The following DNAL1 variants were observed in gnomAD, a reference collection of about 807,000 sequenced individuals.
The protein encoded by DNAL1 is chromosome 14 open reading frame 168.
Under a neutral mutation model 29.4 loss-of-function variants are expected in DNAL1, and 17 were observed. The ratio of observed to expected loss-of-function variants is 0.58; its 90% CI spans 0.40 to 0.87. The LOEUF (loss-of-function observed/expected upper bound fraction) is 0.87, where lower values mean the gene tolerates loss of function less well. Among genes scored for constraint, DNAL1 ranks in the 40% least tolerant of loss-of-function variants. The probability of loss-of-function intolerance (pLI) is 0.00; values close to 1 mark genes in which losing one functional copy is unlikely to be tolerated. For synonymous variants in DNAL1, 78 were observed against 76.3 expected (o/e 1.02, Z -0.12); for missense variants, 188 against 214.1 (o/e 0.88, Z 0.76).
chr14:73,695,860 T>C (rs750604937), intron 7 of DNAL1, 42 bp from the exon 8 acceptor site: 11 of 1,511,960 alleles, frequency 7.3e-6, no homozygotes, highest in Non-Finnish European at 6.3e-6. Context: ...ATTTTAGCAA[T>C]TTTTTGAGAA....
chr14:73,666,815 C>T (rs560429198), intron 4 of DNAL1, among the ~76,000 whole-genome samples: 3 of 152,248 alleles, frequency 2.0e-5, no homozygotes, highest in Non-Finnish European at 4.4e-5. Flanking sequence ...GATTTCTCTT[C>T]CCTCTTTAAA....
chr14:73,659,016 A>C, intron 3 of DNAL1, 60 bp downstream of exon 3: 1 of 1,186,634 alleles, frequency 8.4e-7, no homozygotes, highest in South Asian at 2.2e-5. Flanking sequence ...TTTCTTAAAC[A>C]CACAAAGTAG....
At chr14:73,654,779 T>G (rs1891174099) in intron 1 of DNAL1, 68 bp from the exon 2 acceptor site, 1 of 1,382,522 alleles carries the variant, frequency 7.2e-7, no homozygotes, top group Non-Finnish European at 9.6e-7. Context: ...CATACATACA[T>G]ACATACATAC....
At chr14:73,652,437 C>A (rs1272222347) in intron 1 of DNAL1, among the ~76,000 whole-genome samples, 1 of 151,906 alleles carries the variant, frequency 6.6e-6, no homozygotes, top group South Asian at 2.1e-4. Flanking sequence ...CCACCACGGT[C>A]TAATTTTTTT....
At chr14:73,672,667 G>A (rs1437427751) in intron 5 of DNAL1, among the ~76,000 whole-genome samples, 2 of 149,816 alleles carry the variant, frequency 1.3e-5, no homozygotes, top group Non-Finnish European at 3.0e-5. Flanking sequence ...AATAAAGGAA[G>A]TTTCCTAACC....
chr14:73,658,871 T>A lies in DNAL1; in HGVS notation c.67T>A (p.Ser23Thr). 6.2e-7 allele frequency: 1 copy of A among 1,604,356 alleles called. No homozygotes were observed. The highest frequency in any genetic ancestry group is 8.5e-7 in the Non-Finnish European group (1 of 1,175,000). The change falls in exon 3 of 8, where the codon TCT becomes ACT. Residue 23 changes from serine to threonine, a missense_variant. Transcript: ENST00000553645. ...RWEEKTGQRP[S>T]EAKEIKLYAQ... ...GGAAGAGAAAACTGGCCAGAGGCCA[T>A]CTGAAGCCAAAGAGATAAAACTTTA... is the stretch of plus-strand genomic sequence containing the variant.
At position 73,677,884 on chromosome 14, in the gene DNAL1, T is replaced by TTGTGTGTGTGTGTGTG. The variant is rs566825653; in HGVS notation, c.264+6304_264+6319dup. On this transcript the variant is annotated intron_variant, in intron 5 of 7. Transcript: ENST00000553645. The stretch of plus-strand genomic sequence containing the variant: ...TATATTTATATATATATATATATAT[T>TTGTGTGTGTGTGTGTG]TGTGTGTGTGTGTGTGTGTGTGTGT... Among the ~76,000 whole-genome samples, 202 of 96,132 alleles carry TTGTGTGTGTGTGTGTG rather than the reference T, an allele frequency of 2.1e-3. 2 individuals are homozygous for TTGTGTGTGTGTGTGTG. Among genetic ancestry groups the TTGTGTGTGTGTGTGTG allele is most frequent in the Admixed American group, 3.3e-3 (28 of 8,388 alleles). 63.1% of individuals were successfully genotyped at this position (96,132 alleles called of 152,430 possible). A position where few individuals can be genotyped will look rare whatever the true frequency, so the allele number is the denominator to read the frequency against.
intron 1 of DNAL1, among the ~76,000 whole-genome samples, chr14:73,648,608 G>T (rs990456316): frequency 1.3e-5 from 2 of 148,412 alleles, no homozygotes; most frequent in Admixed American, 1.3e-4. Context: ...TAGAGAGAGG[G>T]TTCTCCATGT....
intron 5 of DNAL1, among the ~76,000 whole-genome samples, chr14:73,674,184 C>T (rs1165416499): frequency 6.6e-6 from 1 of 152,152 alleles, no homozygotes; most frequent in Non-Finnish European, 1.5e-5. Context: ...TTTCTCTTCT[C>T]CTAGTTGATA....
intron 4 of DNAL1, among the ~76,000 whole-genome samples, chr14:73,666,569 A>T (rs1400115880): frequency 1.3e-5 from 2 of 152,214 alleles, no homozygotes; most frequent in African/African-American, 4.8e-5. Flanking sequence ...TGGAAAATAT[A>T]TATTATGTTA....
chr14:73,703,577 GCTC>G lies in DNAL1; in HGVS notation c.*7637_*7639del, dbSNP rs1892486798. ...CCACCCTTGAGAATGTACTTTGTGA[GCTC>G]CACCCACTGTCTGCAAAACATTGCT... is the stretch of plus-strand genomic sequence containing the variant. On this transcript the variant is annotated 3_prime_UTR_variant, in exon 8 of 8. Coordinates refer to ENST00000553645, the MANE Select transcript of DNAL1 (RefSeq NM_031427.4). 1 of 152,332 alleles carries G rather than the reference GCTC, an allele frequency of 6.6e-6. No individual in the cohort carries two copies. The highest frequency in any genetic ancestry group is 2.1e-4 in the South Asian group (1 of 4,828). 9.4% of individuals were successfully genotyped at this position (152,332 alleles called of 1,614,324 possible).
chr14:73,669,538 G>T (rs1891569531), intron 4 of DNAL1, among the ~76,000 whole-genome samples: 1 of 151,936 alleles, frequency 6.6e-6, no homozygotes, highest in Non-Finnish European at 1.5e-5. Context: ...GCCTCCCAAA[G>T]TGCTGGGATT....
chr14:73,651,489 T>G (rs1891113239), intron 1 of DNAL1, among the ~76,000 whole-genome samples: 1 of 152,060 alleles, frequency 6.6e-6, no homozygotes, highest in Non-Finnish European at 1.5e-5. Flanking sequence ...AGGCTTGGAG[T>G]ATTGGGGGAA....
chr14:73,677,884 T>TTGTGTGTGTGTGTGTGTG (rs566825653), intron 5 of DNAL1, among the ~76,000 whole-genome samples: 16 of 96,132 alleles, frequency 1.7e-4, no homozygotes, highest in South Asian at 6.3e-4. Context: ...ATATATATAT[T>TTGTGTGTGTGTGTGTGTG]TGTGTGTGTG....
chr14:73,689,641 A>G, intron 7 of DNAL1, 126 bp downstream of exon 7: 1 of 1,411,564 alleles, frequency 7.1e-7, no homozygotes, highest in Non-Finnish European at 9.7e-7. Flanking sequence ...ATTTCTATCT[A>G]TGTAAAATTG....
Position 73,696,009 on chromosome 14 carries a change from A to G in DNAL1, c.*67A>G. 2 of 1,402,226 alleles carry G rather than the reference A, an allele frequency of 1.4e-6. No individual in the cohort carries two copies. The highest frequency in any genetic ancestry group is 1.9e-6 in the Non-Finnish European group (2 of 1,025,690). 86.9% of individuals were successfully genotyped at this position (1,402,226 alleles called of 1,614,324 possible). A position where few individuals can be genotyped will look rare whatever the true frequency, so the allele number is the denominator to read the frequency against. ...AAGAACAATAGATAAATTTTATATA[A>G]TTGTCTATTTTAAAGATTCTGTATG... On this transcript the variant is annotated 3_prime_UTR_variant, in exon 8 of 8. Coordinates refer to ENST00000553645, the MANE Select transcript of DNAL1 (RefSeq NM_031427.4).
chr14:73,658,102 G>A (rs777968069), intron 2 of DNAL1, among the ~76,000 whole-genome samples: 14 of 152,150 alleles, frequency 9.2e-5, no homozygotes, highest in Non-Finnish European at 1.6e-4. Flanking sequence ...AAGGGGTCCA[G>A]TTTCATTTGT....
intron 1 of DNAL1, among the ~76,000 whole-genome samples, chr14:73,652,178 C>G (rs570908676): frequency 6.6e-5 from 10 of 152,194 alleles, no homozygotes; most frequent in African/African-American, 2.4e-4. Context: ...CCCCAGCCCC[C>G]CAGTAGCTGT....
At chr14:73,690,075 T>C (rs114080634) in intron 7 of DNAL1, among the ~76,000 whole-genome samples, 1 of 150,474 alleles carries the variant, frequency 6.6e-6, no homozygotes, top group Non-Finnish European at 1.5e-5. Flanking sequence ...AGCTAGGCCT[T>C]ATAAATCTAC....
Sources: allele counts gnomAD v4.1 joint callset (sites outside exome capture counted in the v4.1 genomes callset), GRCh38; gene constraint gnomAD v4.1.1; transcripts MANE v1.5; gene names NCBI Gene and HGNC (gene_info 2026-07-23, HGNC 2026-07-21).